PDE1C: variants seen among roughly 807,000 people sequenced by gnomAD.
PDE1C encodes phosphodiesterase 1C.
Under a neutral mutation model 93.1 loss-of-function variants are expected in PDE1C, and 62 were observed. The ratio of observed to expected loss-of-function variants is 0.67; its 90% CI spans 0.54 to 0.82. The LOEUF (loss-of-function observed/expected upper bound fraction) is 0.82, where lower values mean the gene tolerates loss of function less well. PDE1C is among the 40% of genes least tolerant of loss of function. The pLI is 0.00. For synonymous variants in PDE1C, 325 were observed against 310.1 expected, an observed-to-expected ratio of 1.05 and a Z score of -0.50; for missense variants, 742 against 884.6, an observed-to-expected ratio of 0.84 and a Z score of 2.04.
At chr7:31,787,223 T>C (rs1215629098) in intron 16 of PDE1C, 1 of 152,210 alleles carries the variant, frequency 6.6e-6, no homozygotes, top group Non-Finnish European at 1.5e-5. Context: ...GGTTATTCTT[T>C]GGCTTTCAGA....
chr7:32,184,655 A>AGG (rs1476924986), intron 2 of PDE1C, among the ~76,000 whole-genome samples: 1 of 152,026 alleles, frequency 6.6e-6, no homozygotes, highest in Non-Finnish European at 1.5e-5. Context: ...GTTGTGGGGT[A>AGG]GGGGTAGGGG....
chr7:32,113,460 T>G (rs1053323381), intron 3 of PDE1C, among the ~76,000 whole-genome samples: 1 of 151,164 alleles, frequency 6.6e-6, no homozygotes, highest in African/African-American at 2.4e-5. Flanking sequence ...AAATCCTCCC[T>G]CATTGTATTC....
At chr7:31,791,550 C>G (rs181188268) in intron 16 of PDE1C, among the ~76,000 whole-genome samples, 1 of 152,106 alleles carries the variant, frequency 6.6e-6, no homozygotes, top group African/African-American at 2.4e-5. Flanking sequence ...TGGGATCATA[C>G]GTCATGAGGC....
intron 1 of PDE1C, among the ~76,000 whole-genome samples, chr7:32,423,579 C>G (rs977816375): frequency 3.9e-5 from 6 of 152,218 alleles, no homozygotes; most frequent in Middle Eastern, 3.4e-3. Context: ...TGGCAACAAG[C>G]CTGAGCGTCT....
chr7:31,977,773 C>T (rs1244521277), intron 2 of PDE1C, among the ~76,000 whole-genome samples: 1 of 152,134 alleles, frequency 6.6e-6, no homozygotes, highest in African/African-American at 2.4e-5. Flanking sequence ...ACAGTAGTTG[C>T]TCAACAACTA....
intron 2 of PDE1C, among the ~76,000 whole-genome samples, chr7:31,902,803 T>G (rs1800146092): frequency 6.6e-6 from 1 of 151,152 alleles, no homozygotes. Context: ...ATTATAATAT[T>G]GATATACTAT....
At chr7:31,872,899 A>T (rs560197302) in intron 6 of PDE1C, among the ~76,000 whole-genome samples, 26 of 152,148 alleles carry the variant, frequency 1.7e-4, no homozygotes, top group Non-Finnish European at 3.5e-4. Context: ...GAAAAAAAAA[A>T]GTTTACAGAG....
intron 6 of PDE1C, among the ~76,000 whole-genome samples, chr7:31,867,597 G>A (rs778709563): frequency 7.2e-5 from 11 of 152,186 alleles, no homozygotes; most frequent in Non-Finnish European, 1.3e-4. Flanking sequence ...GCTTGGAACT[G>A]AGGGGTTAGT....
intron 1 of PDE1C, among the ~76,000 whole-genome samples, chr7:32,234,288 GAAC>G (rs1368810380): frequency 2.6e-5 from 4 of 151,724 alleles, no homozygotes; most frequent in Admixed American, 2.6e-4. Context: ...ATATTTAAAA[GAAC>G]AACAAAGAAA....
chr7:31,701,005 C>G, the PDE1C span, among the ~76,000 whole-genome samples: 3 of 152,172 alleles, frequency 2.0e-5, no homozygotes, highest in Admixed American at 6.5e-5. Flanking sequence ...TGTTTTCATG[C>G]CTGCTAATGT....
chr7:32,239,209 TGACAGAGTGAGACCCTGTCTCTA>T (rs1052122841), intron 1 of PDE1C, among the ~76,000 whole-genome samples: 7 of 152,130 alleles, frequency 4.6e-5, no homozygotes, highest in Non-Finnish European at 8.8e-5. Context: ...CTAATATGGG[TGACAGAGTGAGACCCTGTCTCTA>T]GAAAAAAAAT....
intron 1 of PDE1C, among the ~76,000 whole-genome samples, chr7:32,390,845 C>G (rs1246053261): frequency 1.3e-5 from 2 of 151,400 alleles, no homozygotes; most frequent in East Asian, 1.9e-4. Context: ...AGAGTGAGTC[C>G]TTGTCAGAAA....
In PDE1C at chr7:32,334,595, TC is replaced by T. The variant is rs1240365964; in HGVS notation, c.310+93226del. Among the ~76,000 whole-genome samples the T allele has an allele frequency of 2.9e-4, 20 of 68,216 alleles. 1 individual carries two copies. The highest frequency in any genetic ancestry group is 8.2e-4 in the Admixed American group (6 of 7,334). The allele number at this position is 68,216 out of a possible 152,430, so 44.8% of individuals were successfully genotyped here. On this transcript the variant is annotated intron_variant, in intron 1 of 1. Transcript: ENST00000672256. ...TTATCCTTTGCCCGCCCTCCCACCC[TC>T]CCCCCCCATGTCCCCAAAGTCCAAT...
chr7:32,144,617 T>A (rs961084043), intron 3 of PDE1C, among the ~76,000 whole-genome samples: 2 of 152,204 alleles, frequency 1.3e-5, no homozygotes, highest in African/African-American at 4.8e-5. Context: ...AAAGGAAAGA[T>A]GCATGCTGAG....
intron 3 of PDE1C, among the ~76,000 whole-genome samples, chr7:32,153,250 A>G (rs1270352770): frequency 6.6e-6 from 1 of 152,202 alleles, no homozygotes; most frequent in Non-Finnish European, 1.5e-5. Context: ...TCAGTTATCT[A>G]AAATGGCATG....
chr7:32,035,993 C>T (rs890563439), intron 2 of PDE1C, among the ~76,000 whole-genome samples: 1 of 152,132 alleles, frequency 6.6e-6, no homozygotes, highest in Non-Finnish European at 1.5e-5. Context: ...GAAGGAAACA[C>T]CAGAGTGGGG....
intron 3 of PDE1C, among the ~76,000 whole-genome samples, chr7:32,119,322 C>T (rs1799160589): frequency 6.6e-6 from 1 of 152,216 alleles, no homozygotes; most frequent in Non-Finnish European, 1.5e-5. Flanking sequence ...TTAACTACAA[C>T]TCCAGGCTTG....
intron 2 of PDE1C, among the ~76,000 whole-genome samples, chr7:31,932,200 A>C (rs757969025): frequency 2.0e-5 from 3 of 152,238 alleles, no homozygotes; most frequent in Non-Finnish European, 4.4e-5. Flanking sequence ...TGGCAACAGA[A>C]GCCAAAATTG....
rs7809770 is a variant in PDE1C at position 31,938,589 on chromosome 7, T to C, written c.129-57729A>G. ...CCTCTATTCAAAAACGATAAAAACA[T>C]TGATCAAAGTTTACTGTGAAACTTT... On this transcript the variant is annotated intron_variant, in intron 2 of 17. Coordinates refer to ENST00000396191, the MANE Select transcript of PDE1C (RefSeq NM_001191057.4). 6.2e-3 allele frequency among the ~76,000 whole-genome samples: 949 copies of C among 152,274 alleles called. 11 individuals carry two copies. Among genetic ancestry groups the C allele is most frequent in the African/African-American group, 0.022 (902 of 41,562 alleles).
Sources: allele counts gnomAD v4.1 joint callset (sites outside exome capture counted in the v4.1 genomes callset), GRCh38; gene constraint gnomAD v4.1.1; transcripts MANE v1.5; gene names NCBI Gene and HGNC (gene_info 2026-07-23, HGNC 2026-07-21).